The following MSANTD4 variants were observed in gnomAD, a reference collection of about 807,000 sequenced individuals.
The protein encoded by MSANTD4 is myb/SANT-like DNA-binding domain-containing protein 4.
Under a neutral mutation model 34.3 loss-of-function variants are expected in MSANTD4, and 13 were observed. The ratio of observed to expected loss-of-function variants is 0.38; its 90% CI spans 0.25 to 0.60. The LOEUF is 0.60. Ranked by LOEUF, MSANTD4 falls within the 20% of genes least tolerant of loss-of-function variation. The pLI, the probability that MSANTD4 is intolerant of heterozygous loss-of-function variation, is 0.63. For synonymous variants in MSANTD4, 137 were observed against 145.2 expected (o/e 0.94, Z 0.41); for missense variants, 358 against 401.8 (o/e 0.89, Z 0.93).
chr11:106,012,783 C>T (rs1208773662), intron 1 of MSANTD4, among the ~76,000 whole-genome samples: 1 of 152,196 alleles, frequency 6.6e-6, no homozygotes, highest in African/African-American at 2.4e-5. Context: ...ACTAGTAGAA[C>T]AGATGATTCA....
At chr11:106,015,211 A>C (rs899217800) in intron 1 of MSANTD4, among the ~76,000 whole-genome samples, 1 of 152,212 alleles carries the variant, frequency 6.6e-6, no homozygotes, top group Non-Finnish European at 1.5e-5. Flanking sequence ...AGTTATGAGC[A>C]CAGATTCTGG....
In MSANTD4 at chr11:106,014,635, C is replaced by T. The variant is rs143567777; in HGVS notation, c.-150-3568G>A. 8.5e-5 allele frequency among the ~76,000 whole-genome samples: 13 copies of T among 152,294 alleles called. No individual in the cohort carries two copies. The East Asian group carries it at 2.5e-3, about 29-fold the overall frequency. ...TTAGACTGAAAAGTGGATGCTAATACCTTATTTTTAAACTTAATAACAAAG... is the reference window on the plus strand; with the variant it reads ...TTAGACTGAAAAGTGGATGCTAATATCTTATTTTTAAACTTAATAACAAAG... On this transcript the variant is annotated intron_variant, in intron 1 of 2. Coordinates refer to ENST00000301919, the MANE Select transcript of MSANTD4 (RefSeq NM_032424.3).
Position 106,008,959 on chromosome 11 carries a change from A to C in MSANTD4, c.*576T>G, listed in dbSNP as rs779689853. On this transcript the variant is annotated 3_prime_UTR_variant, in exon 3 of 3. Coordinates refer to ENST00000301919, the MANE Select transcript of MSANTD4 (RefSeq NM_032424.3). Reference sequence around the variant, plus strand: ...CATTTCATAGTTAAAGTTTTTGGCCATTTAAGTACCTACCCACATAAATAT... The same window carrying C: ...CATTTCATAGTTAAAGTTTTTGGCCCTTTAAGTACCTACCCACATAAATAT... 6.6e-6 allele frequency: 1 copy of C among 152,266 alleles called. No individual in the cohort carries two copies. Among genetic ancestry groups the C allele is most frequent in the Non-Finnish European group, 1.5e-5 (1 of 68,088 alleles). The allele number at this position is 152,266 out of a possible 1,614,324, so 9.4% of individuals were successfully genotyped here.
chr11:106,010,197 G>T, intron 2 of MSANTD4, 87 bp from the exon 3 acceptor site: 2 of 1,323,834 alleles, frequency 1.5e-6, no homozygotes, highest in South Asian at 1.6e-5. Context: ...TTTCTGCGTC[G>T]TTTGGGGAAA....
Position 106,008,341 on chromosome 11 carries a change from G to C in MSANTD4, c.*1194C>G, listed in dbSNP as rs1859587651. 6.6e-6 allele frequency: 1 copy of C among 152,244 alleles called. No homozygotes were observed. Among genetic ancestry groups the C allele is most frequent in the Non-Finnish European group, 1.5e-5 (1 of 68,024 alleles). The allele number at this position is 152,244 out of a possible 1,614,324, so 9.4% of individuals were successfully genotyped here. ...GAAGGACAAAATATACTACAATATA[G>C]AAGATCAGCCATTTACTCTGTGTCA... On this transcript the variant is annotated 3_prime_UTR_variant, in exon 3 of 3. Transcript: ENST00000301919.
Position 106,010,110 on chromosome 11 carries a change from A to T in MSANTD4, c.463T>A (p.Phe155Ile). Residue 155 changes from phenylalanine to isoleucine, a missense_variant and splice_region_variant, in exon 3 of 3, where the codon TTT becomes ATT. This residue lies in a region of MSANTD4 where 312 missense variants were observed against 317.6 expected (regional missense o/e 0.98). Transcript: ENST00000301919. ...ATTTCTTCCTCCTCCTCAATTTCAA[A>T]CTAAGAGCAAAGAGAAAAGCAATTT... ...EEERDPQSPEFEIEEEEEMLS... is the reference protein window; with the variant it reads ...EEERDPQSPEIEIEEEEEMLS... 6.4e-7 allele frequency: 1 copy of T among 1,553,706 alleles called. No individual in the cohort carries two copies. Among genetic ancestry groups the T allele is most frequent in the Non-Finnish European group, 8.6e-7 (1 of 1,158,094 alleles).
intron 1 of MSANTD4, 46 bp from the exon 2 acceptor site, chr11:106,011,113 C>A: frequency 2.3e-6 from 2 of 871,498 alleles, no homozygotes; most frequent in Non-Finnish European, 1.7e-6. Flanking sequence ...GCAACTTCTA[C>A]AACATACTTC....
intron 1 of MSANTD4, among the ~76,000 whole-genome samples, chr11:106,015,519 T>C (rs1565390042): frequency 6.6e-6 from 1 of 152,206 alleles, no homozygotes; most frequent in Admixed American, 6.5e-5. Context: ...ATAGGTCCCA[T>C]GGGTCTTTAT....
chr11:106,016,756 A>G (rs569211912), intron 1 of MSANTD4, among the ~76,000 whole-genome samples: 2 of 152,352 alleles, frequency 1.3e-5, no homozygotes, highest in South Asian at 4.1e-4. Flanking sequence ...TACACTAAAC[A>G]ATGAGACAGT....
chr11:106,010,879 A>G lies in MSANTD4; in HGVS notation c.39T>C (p.Ser13=), dbSNP rs1859672539. The G allele has an allele frequency of 6.2e-7, 1 of 1,605,416 alleles. No homozygotes were observed. Among genetic ancestry groups the G allele is most frequent in the African/African-American group, 1.3e-5 (1 of 74,408 alleles). ...TCAAAAGGGTCTGAGTTTCTTGAAC[A>G]CTAAAATTGCTTTTCCTTTTTCTTT... ...QLKRKRKSNF[S]VQETQTLLKE... Residue 13 remains serine, a synonymous_variant, in exon 2 of 3, where the codon AGT becomes AGC. Coordinates refer to ENST00000301919, the MANE Select transcript of MSANTD4 (RefSeq NM_032424.3).
At chr11:106,012,281 C>G (rs986517773) in intron 1 of MSANTD4, among the ~76,000 whole-genome samples, 1 of 152,114 alleles carries the variant, frequency 6.6e-6, no homozygotes, top group Non-Finnish European at 1.5e-5. Flanking sequence ...AAGCTCACCC[C>G]ATCCTCCCCT....
chr11:106,012,819 G>A (rs1859735208), intron 1 of MSANTD4, among the ~76,000 whole-genome samples: 1 of 152,134 alleles, frequency 6.6e-6, no homozygotes, highest in Admixed American at 6.5e-5. Context: ...TATCTACCTT[G>A]AATTCAAGCC....
intron 1 of MSANTD4, among the ~76,000 whole-genome samples, chr11:106,016,529 T>C (rs1046910531): frequency 3.3e-5 from 5 of 151,702 alleles, no homozygotes; most frequent in Admixed American, 3.3e-4. Context: ...GCCTAACAAA[T>C]AGGAGGAGGT....
intron 1 of MSANTD4, among the ~76,000 whole-genome samples, chr11:106,019,775 A>T (rs1859974095): frequency 5.3e-5 from 8 of 152,214 alleles, no homozygotes; most frequent in Admixed American, 5.2e-4. Flanking sequence ...TAAAACACAG[A>T]TGCATAAAAA....
rs1017873650 is a variant in MSANTD4 at position 106,008,989 on chromosome 11, G to A, written c.*546C>T. 1 of 152,274 alleles carries A rather than the reference G, an allele frequency of 6.6e-6. No homozygotes were observed. Among genetic ancestry groups the A allele is most frequent in the Non-Finnish European group, 1.5e-5 (1 of 68,086 alleles). 9.4% of individuals were successfully genotyped at this position (152,274 alleles called of 1,614,324 possible). A position where few individuals can be genotyped will look rare whatever the true frequency, so the allele number is the denominator to read the frequency against. On this transcript the variant is annotated 3_prime_UTR_variant, in exon 3 of 3. Coordinates refer to ENST00000301919, the MANE Select transcript of MSANTD4 (RefSeq NM_032424.3). ...AGTACCTACCCACATAAATATCTGA[G>A]GTTTTAATATTCTAAAACTATAAAA...
chr11:106,011,530 G>T (rs925706240), intron 1 of MSANTD4, among the ~76,000 whole-genome samples: 25 of 152,112 alleles, frequency 1.6e-4, no homozygotes, highest in Non-Finnish European at 3.4e-4. Flanking sequence ...CCGTTTCTCA[G>T]GGAAGCCTTT....
In MSANTD4 at chr11:106,021,677, G is replaced by A. The variant is rs574768923; in HGVS notation, c.-866C>T. On this transcript the variant is annotated 5_prime_UTR_variant, in exon 1 of 3. Coordinates refer to ENST00000301919, the MANE Select transcript of MSANTD4 (RefSeq NM_032424.3). Reference sequence around the variant, plus strand: ...AAGTATGTTCTTCTCTAAAACTCGTGGTAGGTGCATAACAAGTATACTTAT... The same window carrying A: ...AAGTATGTTCTTCTCTAAAACTCGTAGTAGGTGCATAACAAGTATACTTAT... 6.6e-6 allele frequency: 1 copy of A among 152,232 alleles called. No homozygotes were observed. The highest frequency in any genetic ancestry group is 2.4e-5 in the African/African-American group (1 of 41,520). 9.4% of individuals were successfully genotyped at this position (152,232 alleles called of 1,614,324 possible).
chr11:106,012,629 G>C (rs1436527726), intron 1 of MSANTD4, among the ~76,000 whole-genome samples: 1 of 152,058 alleles, frequency 6.6e-6, no homozygotes, highest in Non-Finnish European at 1.5e-5. Context: ...TGTCAAAGAG[G>C]GTGTACCTGA....
chr11:106,020,430 A>T (rs1859997942), intron 1 of MSANTD4, among the ~76,000 whole-genome samples: 1 of 152,242 alleles, frequency 6.6e-6, no homozygotes, highest in African/African-American at 2.4e-5. Flanking sequence ...AATATGGAAG[A>T]ACTGTTACTG....
Sources: allele counts gnomAD v4.1 joint callset (sites outside exome capture counted in the v4.1 genomes callset), GRCh38; gene constraint gnomAD v4.1.1; regional missense constraint gnomAD v4.1.1; transcripts MANE v1.5; gene names NCBI Gene and HGNC (gene_info 2026-07-23, HGNC 2026-07-21).